The following SH3YL1 variants were observed in gnomAD, a reference collection of about 807,000 sequenced individuals.
SH3YL1 encodes SH3 and SYLF domain containing 1.
A neutral mutation model predicts 45.8 loss-of-function variants in SH3YL1; 41 were observed. That is an observed-to-expected ratio of 0.89 (90% CI 0.70 to 1.16). SH3YL1 has a LOEUF of 1.16. Ranked by LOEUF, SH3YL1 falls within the 50% of genes most tolerant of loss-of-function variation. SH3YL1 has a pLI of 0.00. For synonymous variants in SH3YL1, 152 were observed against 151.4 expected, an observed-to-expected ratio of 1.00 and a Z score of -0.03; for missense variants, 389 against 409.6, an observed-to-expected ratio of 0.95 and a Z score of 0.43.
chr2:236,506 A>AAT (rs1558240578), intron 4 of SH3YL1, among the ~76,000 whole-genome samples: 1 of 152,144 alleles, frequency 6.6e-6, no homozygotes, highest in East Asian at 1.9e-4. Context: ...CAAAATTAAA[A>AAT]ATAGTTAGGT....
intron 1 of SH3YL1, among the ~76,000 whole-genome samples, chr2:258,788 ATGCAAGCAC>A (rs1302237308): frequency 6.6e-6 from 1 of 152,072 alleles, no homozygotes; most frequent in Non-Finnish European, 1.5e-5. Flanking sequence ...CCCCAGCCTG[ATGCAAGCAC>A]TGTGAATAGT....
chr2:249,936 G>C (rs1052998169), intron 2 of SH3YL1, 92 bp from the exon 3 acceptor site: 23 of 883,702 alleles, frequency 2.6e-5, no homozygotes, highest in Middle Eastern at 5.1e-4. Flanking sequence ...TGTACACAGA[G>C]GTTATCTCTA....
intron 3 of SH3YL1, among the ~76,000 whole-genome samples, chr2:249,462 A>G (rs1668978308): frequency 1.3e-5 from 2 of 152,222 alleles, no homozygotes; most frequent in East Asian, 3.8e-4. Context: ...TATTTGCTCC[A>G]CGGAAGAATT....
chr2:247,115 G>A (rs181907264), intron 4 of SH3YL1, among the ~76,000 whole-genome samples: 40 of 152,324 alleles, frequency 2.6e-4, no homozygotes, highest in African/African-American at 9.6e-4. Context: ...TTTACTTAAA[G>A]AATGTGGAGG....
chr2:233,859 T>C (rs996013041), intron 5 of SH3YL1, among the ~76,000 whole-genome samples: 1 of 152,244 alleles, frequency 6.6e-6, no homozygotes, highest in Non-Finnish European at 1.5e-5. Flanking sequence ...TCATAAAATC[T>C]GACTTGTGTT....
intron 9 of SH3YL1, among the ~76,000 whole-genome samples, chr2:221,866 C>T (rs1479922267): frequency 6.6e-6 from 1 of 152,196 alleles, no homozygotes; most frequent in Non-Finnish European, 1.5e-5. Flanking sequence ...CCAGTTAGTG[C>T]TGTGCCCTGT....
At chr2:238,826 TC>T (rs1407774679) in intron 4 of SH3YL1, among the ~76,000 whole-genome samples, 2 of 151,888 alleles carry the variant, frequency 1.3e-5, no homozygotes, top group East Asian at 3.9e-4. Flanking sequence ...CACAAAAACT[TC>T]CCCCTCCCCC....
intron 4 of SH3YL1, chr2:241,113 T>G (rs961520593): frequency 6.6e-6 from 1 of 152,112 alleles, no homozygotes; most frequent in Admixed American, 6.5e-5. Context: ...TTAAAACAGC[T>G]GTCATAAATA....
chr2:263,963 G>A (rs1230930926), intron 1 of SH3YL1, 21 bp downstream of exon 1: 14 of 1,507,886 alleles, frequency 9.3e-6, no homozygotes, highest in African/African-American at 1.4e-5. Context: ...CTGCCGGACA[G>A]GTGGGTCCCC....
intron 9 of SH3YL1, among the ~76,000 whole-genome samples, chr2:223,214 ATC>A (rs1019174851): frequency 2.0e-5 from 3 of 152,200 alleles, no homozygotes; most frequent in Admixed American, 1.3e-4. Flanking sequence ...TCGAACTGGA[ATC>A]TCTGTCTCCA....
intron 4 of SH3YL1, chr2:242,278 G>A (rs1378543671): frequency 6.6e-6 from 1 of 151,822 alleles, no homozygotes; most frequent in East Asian, 1.9e-4. Flanking sequence ...TATTCTCTGA[G>A]TTTCTCTAAA....
rs368979393 is a variant in SH3YL1 at position 252,898 on chromosome 2, G to C, written c.112+107C>G. The C allele has an allele frequency of 1.7e-4, 112 of 662,150 alleles. No homozygotes were observed. In the African/African-American group the frequency reaches 1.9e-3, roughly 11 times the overall value. The allele number at this position is 662,150 out of a possible 1,614,324, so 41.0% of individuals were successfully genotyped here. A position where few individuals can be genotyped will look rare whatever the true frequency, so the allele number is the denominator to read the frequency against. ...GGAACAAAAGGTGGCTGAACTACTT[G>C]TTGGCATTGATGGAGGCTTCTGCCT... is the stretch of plus-strand genomic sequence containing the variant. On this transcript the variant is annotated intron_variant, in intron 2 of 9. Transcript: ENST00000356150.
At chr2:236,748 C>G (rs764844064) in intron 4 of SH3YL1, among the ~76,000 whole-genome samples, 5 of 152,146 alleles carry the variant, frequency 3.3e-5, no homozygotes, top group Non-Finnish European at 2.9e-5. Flanking sequence ...CAAATCAATG[C>G]TCTCAAGTCA....
chr2:244,399 G>C (rs1668690991), intron 4 of SH3YL1, among the ~76,000 whole-genome samples: 1 of 152,122 alleles, frequency 6.6e-6, no homozygotes, highest in East Asian at 1.9e-4. Context: ...AGGAGGCTGA[G>C]GCAGGAGAAT....
At chr2:258,700 G>T (rs910614473) in intron 1 of SH3YL1, among the ~76,000 whole-genome samples, 2 of 152,170 alleles carry the variant, frequency 1.3e-5, no homozygotes, top group Admixed American at 6.5e-5. Flanking sequence ...CCATCAAGGT[G>T]TGTCCCTTCT....
intron 5 of SH3YL1, 72 bp from the exon 6 acceptor site, chr2:233,301 C>G: frequency 7.5e-7 from 1 of 1,340,834 alleles, no homozygotes; most frequent in Non-Finnish European, 9.8e-7. Flanking sequence ...TTAAATAGCA[C>G]TCCTTCTAGC....
chr2:220,848 G>A (rs549152270), intron 9 of SH3YL1, among the ~76,000 whole-genome samples: 1 of 152,304 alleles, frequency 6.6e-6, no homozygotes, highest in African/African-American at 2.4e-5. Flanking sequence ...TAGATAATAG[G>A]AAGAAGTGAA....
chr2:259,341 TTC>T (rs1165676676), intron 1 of SH3YL1: 1 of 151,670 alleles, frequency 6.6e-6, no homozygotes, highest in Non-Finnish European at 1.5e-5. Context: ...TACAGGGGGT[TTC>T]TCTCTGTTTC....
intron 4 of SH3YL1, chr2:244,517 AAAG>A (rs1668699459): frequency 6.6e-6 from 1 of 150,936 alleles, no homozygotes; most frequent in Admixed American, 6.6e-5. Flanking sequence ...AGAAAGAAAG[AAAG>A]AAAAGAAAAA....
Sources: gnomAD v4.1 joint callset for allele counts (sites outside exome capture counted in the v4.1 genomes callset) on GRCh38, gnomAD v4.1.1 for gene constraint, MANE v1.5 for transcripts, NCBI Gene and HGNC (gene_info 2026-07-23, HGNC 2026-07-21) for gene names.